UQCC1: variants seen among roughly 807,000 people sequenced by gnomAD.
UQCC1 encodes the protein bFGF-repressed Zic-binding protein.
Under a neutral mutation model 48.0 loss-of-function variants are expected in UQCC1, and 38 were observed. The observed-to-expected ratio is 0.79, with a 90% CI of 0.61 to 1.04. UQCC1 has a LOEUF of 1.04. UQCC1 is among the 50% of genes least tolerant of loss of function. The pLI, the probability that UQCC1 is intolerant of heterozygous loss-of-function variation, is 0.00. For synonymous variants in UQCC1, 111 were observed against 129.2 expected (o/e 0.86, Z 0.95); for missense variants, 368 against 381.8 (o/e 0.96, Z 0.30).
chr20:35,307,666 A>T (rs892364670), intron 8 of UQCC1, among the ~76,000 whole-genome samples: 5 of 152,178 alleles, frequency 3.3e-5, no homozygotes, highest in Non-Finnish European at 7.3e-5. Flanking sequence ...TCAAGTCCTA[A>T]TTCCACCTCT....
rs1159296869 is a variant in UQCC1 at position 35,384,103 on chromosome 20, C to T, written c.160G>A (p.Gly54Ser). Residue 54 changes from glycine to serine, a missense_variant, in exon 3 of 10, where the codon GGT (glycine) becomes AGT (serine). Gly to Ser is a moderately conservative substitution (Grantham distance 56). Coordinates refer to ENST00000374385, the MANE Select transcript of UQCC1 (RefSeq NM_018244.5). ...ATTCCAGGAATCTGTTCTGATCCAC[C>T]ACATGCTCGGGACTGGCTCATCTGG... ...WPQMSQSRAC[G>S]GSEQIPGIDI... is the part of the protein sequence containing the mutation. 3 of 1,613,166 alleles carry T rather than the reference C, an allele frequency of 1.9e-6. No individual in the cohort carries two copies.
At chr20:35,340,868 C>A (rs1041557406) in intron 7 of UQCC1, among the ~76,000 whole-genome samples, 3 of 151,336 alleles carry the variant, frequency 2.0e-5, no homozygotes, top group Non-Finnish European at 2.9e-5. Context: ...ATTACAGAGG[C>A]CTGAAAGGAA....
intron 1 of UQCC1, among the ~76,000 whole-genome samples, chr20:35,410,398 G>A (rs1214907323): frequency 6.6e-6 from 1 of 151,516 alleles, no homozygotes; most frequent in Admixed American, 6.6e-5. Flanking sequence ...CAGGTGTGGT[G>A]GCAGGCGCCT....
Position 35,411,930 on chromosome 20 carries a change from C to T in UQCC1, c.24+10G>A. The T allele has an allele frequency of 2.5e-6, 4 of 1,614,210 alleles. No homozygotes were observed. The highest frequency in any genetic ancestry group is 1.3e-5 in the African/African-American group (1 of 75,064). ...AGAGAGCTACCGTAGAAAATTACTC[C>T]TTCACTCACAAGGACTCGCACCAGC... On this transcript the variant is annotated intron_variant, in intron 1 of 9. Transcript: ENST00000374385.
intron 5 of UQCC1, among the ~76,000 whole-genome samples, chr20:35,371,140 A>G (rs1218121867): frequency 1.3e-5 from 2 of 152,214 alleles, no homozygotes; most frequent in Non-Finnish European, 2.9e-5. Flanking sequence ...CTATGAATTG[A>G]AACATGATAT....
intron 2 of UQCC1, chr20:35,392,402 G>A: frequency 1.3e-6 from 1 of 741,494 alleles, no homozygotes; most frequent in Non-Finnish European, 2.1e-6. Context: ...TTACATAAAT[G>A]CTTTGCTATA....
At chr20:35,391,633 T>TAAA (rs11483909) in intron 2 of UQCC1, among the ~76,000 whole-genome samples, 2 of 145,370 alleles carry the variant, frequency 1.4e-5, no homozygotes, top group African/African-American at 2.5e-5. Flanking sequence ...GACTCTGTCT[T>TAAA]AAAAAAAAAA....
chr20:35,340,457 ATTC>A (rs1050311606), intron 7 of UQCC1, among the ~76,000 whole-genome samples: 4 of 152,300 alleles, frequency 2.6e-5, no homozygotes, highest in Middle Eastern at 3.4e-3. Flanking sequence ...GAGAACATGT[ATTC>A]TTATTTTCAT....
At position 35,303,979 on chromosome 20, in the gene UQCC1, T is replaced by G. The variant is rs1217875867; in HGVS notation, c.856A>C (p.Ile286Leu). 5.6e-6 allele frequency: 9 copies of G among 1,614,020 alleles called. No individual in the cohort carries two copies. The highest frequency in any genetic ancestry group is 7.6e-6 in the Non-Finnish European group (9 of 1,180,012). ...TAAGTCGGAGAATGGGGCTTCAGGATGCTCTGAGGATTCTTCTCCACTAGA... is the reference window on the plus strand; with the variant it reads ...TAAGTCGGAGAATGGGGCTTCAGGAGGCTCTGAGGATTCTTCTCCACTAGA... ...RPLVEKNPQS[I>L]LKPHSPTYND... is the part of the protein sequence containing the mutation. Residue 286 changes from isoleucine to leucine, a missense_variant, in exon 10 of 10, where the codon ATC becomes CTC. By Grantham distance (5) the Ile-to-Leu change is conservative. Coordinates refer to ENST00000374385, the MANE Select transcript of UQCC1 (RefSeq NM_018244.5).
chr20:35,360,067 T>G (rs781026956), intron 6 of UQCC1, among the ~76,000 whole-genome samples: 1 of 152,106 alleles, frequency 6.6e-6, no homozygotes, highest in Non-Finnish European at 1.5e-5. Flanking sequence ...TCAGATCCAC[T>G]ATAAAGAATA....
At chr20:35,368,693 A>G (rs2061696441) in intron 5 of UQCC1, among the ~76,000 whole-genome samples, 1 of 152,242 alleles carries the variant, frequency 6.6e-6, no homozygotes, top group African/African-American at 2.4e-5. Flanking sequence ...ACGTGTGGGC[A>G]GCCACAATAT....
chr20:35,339,107 G>A (rs1428802223), intron 7 of UQCC1, among the ~76,000 whole-genome samples: 3 of 151,484 alleles, frequency 2.0e-5, no homozygotes. Context: ...TTTCAAAGGG[G>A]GAGGGTAGTT....
chr20:35,382,742 C>T (rs2061890923), intron 3 of UQCC1, among the ~76,000 whole-genome samples: 1 of 151,352 alleles, frequency 6.6e-6, no homozygotes, highest in Admixed American at 6.6e-5. Context: ...GATCTCCTGA[C>T]CGCATGATCT....
chr20:35,324,455 T>C (rs2061167639), intron 7 of UQCC1, among the ~76,000 whole-genome samples: 1 of 152,104 alleles, frequency 6.6e-6, no homozygotes, highest in South Asian at 2.1e-4. Flanking sequence ...GCCTCCAGAG[T>C]AGCTGGGACT....
chr20:35,398,328 A>T (rs377531523), intron 1 of UQCC1, among the ~76,000 whole-genome samples: 360 of 152,334 alleles, frequency 2.4e-3, no homozygotes, highest in African/African-American at 8.1e-3. Context: ...TATCAAAAAT[A>T]AAGACAAAAT....
intron 8 of UQCC1, chr20:35,309,264 C>T: frequency 6.9e-6 from 3 of 431,706 alleles, no homozygotes; most frequent in South Asian, 4.8e-5. Context: ...GAAACTGTTT[C>T]CACAAAAAAA....
intron 7 of UQCC1, among the ~76,000 whole-genome samples, chr20:35,325,483 C>G (rs549586150): frequency 7.9e-5 from 12 of 152,212 alleles, no homozygotes; most frequent in Non-Finnish European, 1.8e-4. Flanking sequence ...ACAGTGGTAT[C>G]ATGAGCTAAC....
intron 7 of UQCC1, among the ~76,000 whole-genome samples, chr20:35,316,898 A>G (rs375397651): frequency 6.6e-6 from 1 of 150,500 alleles, no homozygotes; most frequent in African/African-American, 2.5e-5. Flanking sequence ...TCGGCCTCCT[A>G]AAGTGCTGGG....
chr20:35,305,517 G>A (rs1272748247), intron 9 of UQCC1, among the ~76,000 whole-genome samples: 1 of 152,246 alleles, frequency 6.6e-6, no homozygotes, highest in African/African-American at 2.4e-5. Context: ...CCCGTCTGAG[G>A]GTGAGTCCAG....
Sources: gnomAD v4.1 joint callset for allele counts (sites outside exome capture counted in the v4.1 genomes callset) on GRCh38, gnomAD v4.1.1 for gene constraint, MANE v1.5 for transcripts, NCBI Gene and HGNC (gene_info 2026-07-23, HGNC 2026-07-21) for gene names.